GRIP2: variants seen among roughly 807,000 people sequenced by gnomAD.
GRIP2 encodes the protein glutamate receptor interacting protein 2.
Under a neutral mutation model 108.3 loss-of-function variants are expected in GRIP2, and 58 were observed. The ratio of observed to expected loss-of-function variants is 0.54; its 90% CI spans 0.43 to 0.67. The LOEUF (loss-of-function observed/expected upper bound fraction) is 0.67. Among genes scored for constraint, GRIP2 ranks in the 30% least tolerant of loss-of-function variants. The probability of loss-of-function intolerance (pLI) is 0.00; values close to 1 mark genes in which losing one functional copy is unlikely to be tolerated. For synonymous variants in GRIP2, 586 were observed against 598.2 expected (o/e 0.98, Z 0.30); for missense variants, 1,278 against 1,430.6 (o/e 0.89, Z 1.72).
intron 21 of GRIP2, among the ~76,000 whole-genome samples, chr3:14,500,795 G>C (rs959759969): frequency 6.6e-6 from 1 of 152,094 alleles, no homozygotes; most frequent in Non-Finnish European, 1.5e-5. Context: ...AAGAAGCAAA[G>C]GTGATAACAG....
At chr3:14,528,395 C>T (rs777547051) in intron 1 of GRIP2, among the ~76,000 whole-genome samples, 6 of 152,108 alleles carry the variant, frequency 3.9e-5, no homozygotes, top group African/African-American at 7.2e-5. Context: ...CTGTTTCATC[C>T]AGGAATGGCA....
chr3:14,504,288 T>C (rs957473717), intron 20 of GRIP2, among the ~76,000 whole-genome samples: 48 of 151,394 alleles, frequency 3.2e-4, no homozygotes, highest in Non-Finnish European at 4.0e-4. Flanking sequence ...AGGCATGCTG[T>C]GATTTACAAA....
chr3:14,523,391 A>G (rs749347107), intron 5 of GRIP2: 17 of 581,678 alleles, frequency 2.9e-5, no homozygotes, highest in Non-Finnish European at 5.2e-5. Flanking sequence ...AGCTTTCACC[A>G]TCATTTTCCG....
the GRIP2 span, chr3:14,574,457 A>G: frequency 1.4e-6 from 1 of 708,892 alleles, no homozygotes; most frequent in African/African-American, 1.7e-5. Flanking sequence ...CTCGCTCCAA[A>G]GGCAGCATCA....
chr3:14,528,665 G>A (rs1393720964), intron 1 of GRIP2, among the ~76,000 whole-genome samples: 1 of 151,124 alleles, frequency 6.6e-6, no homozygotes, highest in Non-Finnish European at 1.5e-5. Context: ...AGACCAGCCT[G>A]GGCAACACAG....
chr3:14,559,566 G>A (rs1171047772), upstream of GRIP2, among the ~76,000 whole-genome samples: 1 of 152,012 alleles, frequency 6.6e-6, no homozygotes, highest in Non-Finnish European at 1.5e-5. Flanking sequence ...GTATTTCTCT[G>A]CCTCGTCCCA....
At chr3:14,536,060 C>T (rs967661435) in intron 1 of GRIP2, among the ~76,000 whole-genome samples, 6 of 152,122 alleles carry the variant, frequency 3.9e-5, no homozygotes, top group East Asian at 1.9e-4. Flanking sequence ...CAGATAAGCT[C>T]GGCAGAAGCA....
the GRIP2 span, chr3:14,573,020 C>A: frequency 2.1e-6 from 3 of 1,433,596 alleles, no homozygotes; most frequent in African/African-American, 4.2e-5. Flanking sequence ...GGCAGCATTT[C>A]CAGTACAGAT....
intron 16 of GRIP2, 41 bp from the exon 17 acceptor site, chr3:14,510,005 G>A (rs1205077817): frequency 7.3e-7 from 1 of 1,378,230 alleles, no homozygotes; most frequent in Admixed American, 3.2e-5. Flanking sequence ...CCCCCGAGGG[G>A]GTACCCAGCT....
At position 14,505,926 on chromosome 3, in the gene GRIP2, G is replaced by A. The variant is rs1693913984; in HGVS notation, c.2399-137C>T. ...GCCTGCATCTACACAGCCCTCTGAG[G>A]GCCTCTGCCTCTCAGAATCTCCCTG... On this transcript the variant is annotated intron_variant, in intron 19 of 23. Coordinates refer to ENST00000621039, the MANE Select transcript of GRIP2 (RefSeq NM_001080423.4). This position sits in a 1 kb window ranked among gnomAD's most constrained non-coding sequence, Gnocchi z 4.2. 2 of 708,404 alleles carry A rather than the reference G, an allele frequency of 2.8e-6. No homozygotes were observed. The highest frequency in any genetic ancestry group is 4.4e-6 in the Non-Finnish European group (2 of 458,844). The allele number at this position is 708,404 out of a possible 1,614,324, so 43.9% of individuals were successfully genotyped here.
chr3:14,517,824 G>T lies in GRIP2; in HGVS notation c.1104C>A (p.Gly368=), dbSNP rs1694297585. 5.6e-6 allele frequency: 9 copies of T among 1,605,160 alleles called. No homozygotes were observed. Among genetic ancestry groups the T allele is most frequent in the African/African-American group, 1.3e-5 (1 of 74,768 alleles). Residue 368 remains glycine, a synonymous_variant, in exon 10 of 24, where the codon GGC becomes GGA. Transcript: ENST00000621039. ...TGGCCCAGGTGGGCATCCTGCAGTG[G>T]CCGGGCCGGGGGCTGTGGCAGGAGG... is the stretch of plus-strand genomic sequence containing the variant. The part of the protein sequence containing the change: ...CVPSCHSPRP[G]HCRMPTWATP...
At position 14,525,873 on chromosome 3, in the gene GRIP2, C is replaced by T. The variant is rs763871563; in HGVS notation, c.99G>A (p.Ala33=). The change falls in exon 2 of 24, where the codon GCG becomes GCA. Residue 33 remains alanine (A), a synonymous_variant. Transcript: ENST00000621039. ...TACCTGGAATGCTCTGTCTGCGGCA[C>T]GCCAGGGAAACGTCGGCCCCTCCTG... ...KDAGGADVSL[A]CRRQSIPEEF... is the part of the protein sequence containing the mutation. The T allele has an allele frequency of 1.3e-5, 21 of 1,560,010 alleles. No homozygotes were observed. The highest frequency in any genetic ancestry group is 3.8e-5 in the Admixed American group (2 of 52,350).
At chr3:14,542,521 T>C (rs1057002558), upstream of GRIP2, among the ~76,000 whole-genome samples, 1 of 150,290 alleles carries the variant, frequency 6.7e-6, no homozygotes, top group African/African-American at 2.4e-5. Flanking sequence ...ACAGATGCAT[T>C]TAAATGAGTG....
the GRIP2 span, chr3:14,574,073 G>C: frequency 2.0e-6 from 3 of 1,472,156 alleles, no homozygotes; most frequent in Non-Finnish European, 2.8e-6. Context: ...TGACGTTCTC[G>C]TAGACCCAGT....
the GRIP2 span, among the ~76,000 whole-genome samples, chr3:14,591,990 C>T: frequency 1.3e-5 from 2 of 152,228 alleles, no homozygotes; most frequent in South Asian, 2.1e-4. Flanking sequence ...TGTCTATCTA[C>T]TTCAGCTCTG....
In GRIP2 at chr3:14,515,236, T is replaced by C. The variant is rs115324833; in HGVS notation, c.1307-758A>G. On this transcript the variant is annotated intron_variant, in intron 11 of 23. Transcript: ENST00000621039. ...ACACCACATTTTGTTTATCTATTCA[T>C]CCATTGGTGGATACTGCGTTCCTTC... 8.3e-3 allele frequency among the ~76,000 whole-genome samples: 1,259 copies of C among 152,324 alleles called. 26 individuals are homozygous for C. Among genetic ancestry groups the C allele is most frequent in the African/African-American group, 0.029 (1,189 of 41,566 alleles).
chr3:14,491,342 ATACTT>A lies in GRIP2; in HGVS notation c.*2318_*2322del, dbSNP rs1241690976. 3 of 152,248 alleles carry A rather than the reference ATACTT, an allele frequency of 2.0e-5. No individual in the cohort carries two copies. The highest frequency in any genetic ancestry group is 4.4e-5 in the Non-Finnish European group (3 of 68,076). The allele number at this position is 152,248 out of a possible 1,614,324, so 9.4% of individuals were successfully genotyped here. A position where few individuals can be genotyped will look rare whatever the true frequency, so the allele number is the denominator to read the frequency against. ...CCCTAAGAAAACCCGATGTAGAAAA[ATACTT>A]TACAAGGAATGTGTTCTAATCTCAG... On this transcript the variant is annotated 3_prime_UTR_variant, in exon 24 of 24. Coordinates refer to ENST00000621039, the MANE Select transcript of GRIP2 (RefSeq NM_001080423.4).
chr3:14,543,313 C>T (rs1389475244), upstream of GRIP2, among the ~76,000 whole-genome samples: 6 of 152,222 alleles, frequency 3.9e-5, no homozygotes, highest in Admixed American at 3.9e-4. Context: ...TAAGAGGGTC[C>T]TCAGGTGATG....
Position 14,496,480 on chromosome 3 carries a change from C to A in GRIP2, c.2760G>T (p.Glu920Asp). The change falls in exon 22 of 24, where the codon GAG (glutamate) becomes GAT (aspartate). Residue 920 changes from glutamate (E) to aspartate (D), a missense_variant. By Grantham distance (45) the Glu-to-Asp change is conservative. Transcript: ENST00000621039. ...CCATTTCTGCAGGAGAGGCTCGTAC[C>A]TCCCGGCCCCTCTGCCAAGGCCGGT... ...PGHRPWQRGR[E>D]VRASPAEMEE... 1 of 1,611,572 alleles carries A rather than the reference C, an allele frequency of 6.2e-7. No individual in the cohort carries two copies. Among genetic ancestry groups the A allele is most frequent in the South Asian group, 1.1e-5 (1 of 90,740 alleles).
Sources: gnomAD v4.1 joint callset for allele counts (sites outside exome capture counted in the v4.1 genomes callset) on GRCh38, gnomAD v4.1.1 for gene constraint, Gnocchi (gnomAD v3.1) non-coding constraint, MANE v1.5 for transcripts, NCBI Gene and HGNC (gene_info 2026-07-23, HGNC 2026-07-21) for gene names.